Variants in TMC2 observed in about 807,000 individuals in gnomAD.
TMC2 encodes the protein transmembrane channel-like protein 2.
A neutral mutation model predicts 105.9 loss-of-function variants in TMC2; 102 were observed. That is an observed-to-expected ratio of 0.96 (90% CI 0.82 to 1.14). The LOEUF is 1.14. TMC2 is among the 50% of genes most tolerant of loss of function. TMC2 has a pLI of 0.00. For missense variants in TMC2, 1,093 were observed against 1,134.3 expected (o/e 0.96, Z 0.52); for synonymous variants, 402 against 422.8 (o/e 0.95, Z 0.60).
chr20:2,545,566 T>A (rs2085917132), intron 2 of TMC2, among the ~76,000 whole-genome samples: 2 of 152,162 alleles, frequency 1.3e-5, no homozygotes, highest in African/African-American at 2.4e-5. Context: ...TATGGGATTG[T>A]CAAATAATGC....
chr20:2,544,681 G>T (rs750351802), intron 2 of TMC2, among the ~76,000 whole-genome samples: 2 of 152,104 alleles, frequency 1.3e-5, no homozygotes, highest in African/African-American at 2.4e-5. Flanking sequence ...GGAGTTTTAT[G>T]GCCTTACTGG....
At chr20:2,573,937 A>T (rs1054948548) in intron 5 of TMC2, among the ~76,000 whole-genome samples, 2 of 152,202 alleles carry the variant, frequency 1.3e-5, no homozygotes, top group African/African-American at 4.8e-5. Flanking sequence ...TAAATGTGAC[A>T]TCTCATTCCA....
Position 2,640,992 on chromosome 20 carries a change from G to A in TMC2, c.2504-142G>A, listed in dbSNP as rs2086684003. The A allele has an allele frequency of 4.3e-6, 3 of 701,812 alleles. No homozygotes were observed. In the African/African-American group the frequency reaches 5.3e-5, roughly 12 times the overall value. 43.5% of individuals were successfully genotyped at this position (701,812 alleles called of 1,614,324 possible). On this transcript the variant is annotated intron_variant, in intron 19 of 19. Transcript: ENST00000358864. ...AAAAGCCAGGCCAAGGTGACCCCGA[G>A]ACAGCTGAGTGCAATCCGACAGCTC...
intron 11 of TMC2, among the ~76,000 whole-genome samples, chr20:2,606,885 T>TTTC (rs2086396751): frequency 6.4e-5 from 7 of 108,908 alleles, no homozygotes; most frequent in African/African-American, 3.0e-4. Flanking sequence ...CCTTAATTTC[T>TTTC]TTTTTCTTTT....
At chr20:2,607,854 GT>G (rs1173657650) in intron 11 of TMC2, among the ~76,000 whole-genome samples, 3 of 152,208 alleles carry the variant, frequency 2.0e-5, no homozygotes, top group Admixed American at 6.5e-5. Context: ...GCCAGGTGCA[GT>G]GGCTCACGCC....
rs1218615921 is a variant in TMC2 at position 2,635,984 on chromosome 20, C to T, written c.2365C>T (p.Leu789=). 1 of 1,614,088 alleles carries T rather than the reference C, an allele frequency of 6.2e-7. No individual in the cohort carries two copies. The highest frequency in any genetic ancestry group is 2.2e-5 in the East Asian group (1 of 44,882). ...AAGCCTTTCCCGAGCTAATGCCCAGCTGAGGAAGAAAATCCAAGTGGTGAG... is the reference window on the plus strand; with the variant it reads ...AAGCCTTTCCCGAGCTAATGCCCAGTTGAGGAAGAAAATCCAAGTGGTGAG... ...SKSLSRANAQ[L]RKKIQVLREV... is the part of the protein sequence containing the mutation. Residue 789 remains leucine, a synonymous_variant, in exon 18 of 20, where the codon CTG becomes TTG. Coordinates refer to ENST00000358864, the MANE Select transcript of TMC2 (RefSeq NM_080751.3).
chr20:2,625,639 C>G (rs1246157013), intron 17 of TMC2, among the ~76,000 whole-genome samples: 4 of 152,186 alleles, frequency 2.6e-5, no homozygotes, highest in Admixed American at 6.5e-5. Flanking sequence ...TTATCCATTC[C>G]TCTGCATAGG....
At chr20:2,587,637 T>C (rs963514171) in intron 7 of TMC2, among the ~76,000 whole-genome samples, 1 of 152,138 alleles carries the variant, frequency 6.6e-6, no homozygotes, top group Admixed American at 6.5e-5. Flanking sequence ...AAATTGCATA[T>C]ATTTATGTTG....
intron 17 of TMC2, among the ~76,000 whole-genome samples, chr20:2,634,176 C>T (rs1419521453): frequency 6.6e-6 from 1 of 152,198 alleles, no homozygotes; most frequent in African/African-American, 2.4e-5. Flanking sequence ...ATGAAGCCGG[C>T]CTCCCCCAAC....
intron 2 of TMC2, among the ~76,000 whole-genome samples, chr20:2,555,139 G>T (rs1358714966): frequency 6.6e-6 from 1 of 152,048 alleles, no homozygotes; most frequent in Non-Finnish European, 1.5e-5. Flanking sequence ...GGAGTGCAAT[G>T]GTGCCATCTC....
rs182134283 is a variant in TMC2 at position 2,621,401 on chromosome 20, G to A, written c.2181-2870G>A. 4.0e-5 allele frequency among the ~76,000 whole-genome samples: 6 copies of A among 150,516 alleles called. No homozygotes were observed. In the East Asian group the frequency reaches 1.2e-3, roughly 29 times the overall value. On this transcript the variant is annotated intron_variant, in intron 16 of 19. Transcript: ENST00000358864. ...AAAAAAAAAAGGAAGGAGAGGGAGG[G>A]AGATTTGACTACAGAAAAATAGAAG...
intron 2 of TMC2, among the ~76,000 whole-genome samples, chr20:2,546,457 T>A (rs897940678): frequency 2.0e-5 from 3 of 152,196 alleles, no homozygotes; most frequent in Non-Finnish European, 4.4e-5. Context: ...GAGAAGAATA[T>A]TGATTATAGA....
intron 14 of TMC2, chr20:2,613,535 T>C: frequency 3.4e-6 from 2 of 595,898 alleles, no homozygotes; most frequent in Non-Finnish European, 5.8e-6. Flanking sequence ...TAATGAACAA[T>C]GTGACCTTCT....
In TMC2 at chr20:2,562,281, C is replaced by T. The variant is rs571588313; in HGVS notation, c.554+271C>T. Among the ~76,000 whole-genome samples, 172 of 152,394 alleles carry T rather than the reference C, an allele frequency of 1.1e-3. 1 individual carries two copies. The highest frequency in any genetic ancestry group is 4.7e-4 in the Non-Finnish European group (32 of 68,042). On this transcript the variant is annotated intron_variant, in intron 4 of 19. Coordinates refer to ENST00000358864, the MANE Select transcript of TMC2 (RefSeq NM_080751.3). The stretch of plus-strand genomic sequence containing the variant: ...TGGCTGCCCCTTTTATCCCATGCCA[C>T]ACTTCATCTCGTGGCTTCTGTGCCT...
At chr20:2,540,487 C>T (rs1180183843) in intron 2 of TMC2, among the ~76,000 whole-genome samples, 1 of 151,518 alleles carries the variant, frequency 6.6e-6, no homozygotes, top group Non-Finnish European at 1.5e-5. Context: ...ATGGTGAAAC[C>T]CTGTCTCTAC....
At chr20:2,559,048 G>A (rs1170481774) in intron 3 of TMC2, among the ~76,000 whole-genome samples, 1 of 151,986 alleles carries the variant, frequency 6.6e-6, no homozygotes, top group Non-Finnish European at 1.5e-5. Flanking sequence ...GGCGGGGCGC[G>A]GGTGGAGAGG....
intron 11 of TMC2, among the ~76,000 whole-genome samples, chr20:2,607,423 G>A (rs1336521508): frequency 6.6e-6 from 1 of 152,132 alleles, no homozygotes; most frequent in African/African-American, 2.4e-5. Context: ...CTGTTAGGGA[G>A]CTTAACTGAC....
At chr20:2,585,699 C>CCAAGG (rs2086227078) in intron 7 of TMC2, among the ~76,000 whole-genome samples, 1 of 152,228 alleles carries the variant, frequency 6.6e-6, no homozygotes, top group Non-Finnish European at 1.5e-5. Flanking sequence ...ACTTATGTGG[C>CCAAGG]TGTTCCCAAG....
At position 2,617,307 on chromosome 20, in the gene TMC2, T is replaced by G. The variant is rs2086491387; in HGVS notation, c.2176T>G (p.Phe726Val). 1 of 1,614,080 alleles carries G rather than the reference T, an allele frequency of 6.2e-7. No individual in the cohort carries two copies. The highest frequency in any genetic ancestry group is 1.1e-5 in the South Asian group (1 of 91,086). Residue 726 changes from phenylalanine (F) to valine (V), a missense_variant, in exon 16 of 20, where the codon TTC (phenylalanine) becomes GTC (valine). Transcript: ENST00000358864. ...CCCACCCTCCTTTGACTGCGGGCCG[T>G]TCAGGTGCAGAGTCTCAGTTGCCCG... ...SLPPSFDCGP[F>V]SGKNRMYDVL...
Sources: gnomAD v4.1 joint callset for allele counts (sites outside exome capture counted in the v4.1 genomes callset) on GRCh38, gnomAD v4.1.1 for gene constraint, MANE v1.5 for transcripts, NCBI Gene and HGNC (gene_info 2026-07-23, HGNC 2026-07-21) for gene names.